The following IL15RA variants were observed in gnomAD, a reference collection of about 807,000 sequenced individuals.
The protein encoded by IL15RA is interleukin-15 receptor subunit alpha.
Under a neutral mutation model 24.2 loss-of-function variants are expected in IL15RA, and 26 were observed. The ratio of observed to expected loss-of-function variants is 1.07; its 90% confidence interval spans 0.79 to 1.49. IL15RA has a LOEUF of 1.49. IL15RA is among the 40% of genes most tolerant of loss of function. The pLI is 0.00. For missense variants in IL15RA, 354 were observed against 356.4 expected (o/e 0.99, Z 0.05); for synonymous variants, 166 against 157.6 (o/e 1.05, Z -0.40).
At position 5,965,625 on chromosome 10, in the gene IL15RA, G is replaced by A. The variant is rs770901950; in HGVS notation, c.283+520C>T. Among the ~76,000 whole-genome samples the A allele has an allele frequency of 6.6e-5, 10 of 152,258 alleles. No individual in the cohort carries two copies. Among genetic ancestry groups the A allele is most frequent in the South Asian group, 6.2e-4 (3 of 4,834 alleles). ...GCCCAAGGCCTCCTGGGTGGTAGGC[G>A]GCAAAGCCAGGATTTAAACCCAGAA... is the stretch of plus-strand genomic sequence containing the variant. On this transcript the variant is annotated intron_variant, in intron 2 of 6. Transcript: ENST00000379977. This position sits in a 1 kb window ranked among gnomAD's most constrained non-coding sequence, Gnocchi z 5.8.
At chr10:5,969,266 TTTAA>T (rs1181459822) in intron 1 of IL15RA, among the ~76,000 whole-genome samples, 11 of 150,172 alleles carry the variant, frequency 7.3e-5, no homozygotes, top group African/African-American at 2.7e-4. Flanking sequence ...AATTTTTAAA[TTTAA>T]TTAAAATTTT....
chr10:5,953,090 G>T lies in IL15RA; in HGVS notation c.*5C>A, dbSNP rs767592486. Reference sequence around the variant, plus strand: ...CGGACTTAGCTGGGCTGGTTTCCCCGAGTTTCATAGGTGGTGAGAGCAGTT... The same window carrying T: ...CGGACTTAGCTGGGCTGGTTTCCCCTAGTTTCATAGGTGGTGAGAGCAGTT... On this transcript the variant is annotated 3_prime_UTR_variant, in exon 7 of 7. Transcript: ENST00000379977. The surrounding 1 kb of genome is among the most constrained non-coding windows in gnomAD (Gnocchi z 5.3). The T allele has an allele frequency of 6.2e-7, 1 of 1,605,546 alleles. No homozygotes were observed. The highest frequency in any genetic ancestry group is 2.2e-5 in the East Asian group (1 of 44,830).
At position 5,966,897 on chromosome 10, in the gene IL15RA, G is replaced by A. The variant is rs932478104; in HGVS notation, c.89-558C>T. ...TGAGGCAGGAGAATTGCTTGAACCTGGGAGGCAGAGGTTGCAGTGAGCCAC... is the reference window on the plus strand; with the variant it reads ...TGAGGCAGGAGAATTGCTTGAACCTAGGAGGCAGAGGTTGCAGTGAGCCAC... On this transcript the variant is annotated intron_variant, in intron 1 of 6. Coordinates refer to ENST00000379977, the MANE Select transcript of IL15RA (RefSeq NM_002189.4). The surrounding 1 kb of genome is among the most constrained non-coding windows in gnomAD (Gnocchi z 6.4). Among the ~76,000 whole-genome samples the A allele has an allele frequency of 6.6e-6, 1 of 152,028 alleles. No homozygotes were observed. Among genetic ancestry groups the A allele is most frequent in the South Asian group, 2.1e-4 (1 of 4,808 alleles).
At position 5,973,573 on chromosome 10, in the gene IL15RA, T is replaced by C. The variant is rs1212385221; in HGVS notation, c.88+3832A>G. On this transcript the variant is annotated intron_variant, in intron 1 of 6. Transcript: ENST00000379977. The surrounding 1 kb of genome is among the most constrained non-coding windows in gnomAD (Gnocchi z 4.5). ...AGGTCAGTGAAGATAATCTTTTCAA[T>C]AAAGGGTGCTGGAATAATTGGATAT... is the stretch of plus-strand genomic sequence containing the variant. Among the ~76,000 whole-genome samples the C allele has an allele frequency of 6.6e-6, 1 of 152,198 alleles. No individual in the cohort carries two copies. Among genetic ancestry groups the C allele is most frequent in the Non-Finnish European group, 1.5e-5 (1 of 68,024 alleles).
chr10:5,951,770 A>AGCT (rs1294941768), downstream of IL15RA, among the ~76,000 whole-genome samples: 1 of 152,160 alleles, frequency 6.6e-6, no homozygotes, highest in Non-Finnish European at 1.5e-5. Context: ...GGCTGCAGTG[A>AGCT]GCTGAGATCT....
chr10:5,956,696 C>T (rs2296141), intron 5 of IL15RA, among the ~76,000 whole-genome samples: 14,094 of 152,272 alleles, frequency 0.093, 730 homozygotes, highest in Admixed American at 0.13. Context: ...CATCCTTGTC[C>T]TTCTCAGGCA....
chr10:5,968,073 C>T lies in IL15RA; in HGVS notation c.89-1734G>A, dbSNP rs1836899240. Among the ~76,000 whole-genome samples, 1 of 151,882 alleles carries T rather than the reference C, an allele frequency of 6.6e-6. No homozygotes were observed. The highest frequency in any genetic ancestry group is 1.5e-5 in the Non-Finnish European group (1 of 67,946). ...GAATCTGTCTCAAACAAACAGAAAA[C>T]CCCCCAAAAACCAACAAACCAACCA... is the stretch of plus-strand genomic sequence containing the variant. On this transcript the variant is annotated intron_variant, in intron 1 of 6. Transcript: ENST00000379977. This position sits in a 1 kb window ranked among gnomAD's most constrained non-coding sequence, Gnocchi z 5.4.
At position 5,971,945 on chromosome 10, in the gene IL15RA, T is replaced by C. The variant is rs1426273592; in HGVS notation, c.88+5460A>G. ...TTGGAGTCTTGCAAGAGTTGAGGGCTACAGGTTGAAGAGCAAATGAAAGGA... is the reference window on the plus strand; with the variant it reads ...TTGGAGTCTTGCAAGAGTTGAGGGCCACAGGTTGAAGAGCAAATGAAAGGA... On this transcript the variant is annotated intron_variant, in intron 1 of 6. Transcript: ENST00000379977. The surrounding 1 kb of genome is among the most constrained non-coding windows in gnomAD (Gnocchi z 5.5). 6.6e-6 allele frequency among the ~76,000 whole-genome samples: 1 copy of C among 152,204 alleles called. No individual in the cohort carries two copies. Among genetic ancestry groups the C allele is most frequent in the Non-Finnish European group, 1.5e-5 (1 of 68,032 alleles).
At position 5,970,858 on chromosome 10, in the gene IL15RA, T is replaced by G. The variant is rs1489136475; in HGVS notation, c.89-4519A>C. 6.6e-6 allele frequency among the ~76,000 whole-genome samples: 1 copy of G among 151,994 alleles called. No individual in the cohort carries two copies. The highest frequency in any genetic ancestry group is 1.5e-5 in the Non-Finnish European group (1 of 68,016). Reference sequence around the variant, plus strand: ...CCGCTGCAGCCTCAAACTCCTGGCCTTAAGCAATCCTCCTGCCTCAGCCTC... The same window carrying G: ...CCGCTGCAGCCTCAAACTCCTGGCCGTAAGCAATCCTCCTGCCTCAGCCTC... On this transcript the variant is annotated intron_variant, in intron 1 of 6. Coordinates refer to ENST00000379977, the MANE Select transcript of IL15RA (RefSeq NM_002189.4). This position sits in a 1 kb window ranked among gnomAD's most constrained non-coding sequence, Gnocchi z 4.1.
Position 5,958,379 on chromosome 10 carries a change from G to T in IL15RA, c.616+1375C>A. 2.3e-6 allele frequency: 1 copy of T among 440,794 alleles called. No homozygotes were observed. The highest frequency in any genetic ancestry group is 4.6e-6 in the Non-Finnish European group (1 of 218,488). The allele number at this position is 440,794 out of a possible 1,614,324, so 27.3% of individuals were successfully genotyped here. ...GCAAGGGGATTTTTGAGTTAGAAAT[G>T]GGATTTGCTTTTCGTCTTTTTTTTG... On this transcript the variant is annotated intron_variant, in intron 5 of 6. Coordinates refer to ENST00000379977, the MANE Select transcript of IL15RA (RefSeq NM_002189.4). This position sits in a 1 kb window ranked among gnomAD's most constrained non-coding sequence, Gnocchi z 4.3.
At chr10:5,974,839 T>C in intron 1 of IL15RA, among the ~76,000 whole-genome samples, 1 of 152,074 alleles carries the variant, frequency 6.6e-6, no homozygotes. Flanking sequence ...ATGGAGCCAC[T>C]GCACTTCAGT....
rs1039852840 is a variant in IL15RA at position 5,965,262 on chromosome 10, C to T, written c.283+883G>A. On this transcript the variant is annotated intron_variant, in intron 2 of 6. Coordinates refer to ENST00000379977, the MANE Select transcript of IL15RA (RefSeq NM_002189.4). This position sits in a 1 kb window ranked among gnomAD's most constrained non-coding sequence, Gnocchi z 5.8. Reference sequence around the variant, plus strand: ...AGTTGATTCTTGCCACCTTCCCTCACCCCTGCTGGACACCATGCACAGGTG... The same window carrying T: ...AGTTGATTCTTGCCACCTTCCCTCATCCCTGCTGGACACCATGCACAGGTG... Among the ~76,000 whole-genome samples the T allele has an allele frequency of 6.6e-6, 1 of 152,142 alleles. No individual in the cohort carries two copies. Among genetic ancestry groups the T allele is most frequent in the Non-Finnish European group, 1.5e-5 (1 of 68,024 alleles).
At chr10:5,978,734 A>G (rs1174725519), upstream of IL15RA, among the ~76,000 whole-genome samples, 1 of 152,086 alleles carries the variant, frequency 6.6e-6, no homozygotes, top group Non-Finnish European at 1.5e-5. The surrounding 1 kb of genome is among the most constrained non-coding windows in gnomAD (Gnocchi z 5.2). Flanking sequence ...CATCTCTACT[A>G]AAAATACCAA....
Position 5,966,603 on chromosome 10 carries a change from T to C in IL15RA, c.89-264A>G, listed in dbSNP as rs1048068026. On this transcript the variant is annotated intron_variant, in intron 1 of 6. Transcript: ENST00000379977. The surrounding 1 kb of genome is among the most constrained non-coding windows in gnomAD (Gnocchi z 6.4). ...GTCATCGATGAAACACCCTCTCCCT[T>C]CATTTCCCACCCCTCTCCAAGCCCT... Among the ~76,000 whole-genome samples, 1 of 151,956 alleles carries C rather than the reference T, an allele frequency of 6.6e-6. No homozygotes were observed.
At chr10:5,951,494 C>T (rs1833876407), downstream of IL15RA, among the ~76,000 whole-genome samples, 1 of 152,202 alleles carries the variant, frequency 6.6e-6, no homozygotes, top group South Asian at 2.1e-4. Flanking sequence ...GACTGCTCCC[C>T]TCCCGCCCCA....
In IL15RA at chr10:5,966,160, TG is replaced by T; in HGVS notation, c.267del (p.Ser90ValfsTer21). The part of the protein sequence containing the change: ...KATNVAHWTT[P>X]SLKCIRDPAL... ...GGCTACTCACTAATGCATTTGAGAC[TG>T]GGGGTTGTCCAGTGGGCGACATTCG... On this transcript the variant is annotated frameshift_variant, in exon 2 of 7. Coordinates refer to ENST00000379977, the MANE Select transcript of IL15RA (RefSeq NM_002189.4). LOFTEE classifies it high-confidence loss of function. This position sits in a 1 kb window ranked among gnomAD's most constrained non-coding sequence, Gnocchi z 6.4. 1 of 1,608,696 alleles carries T rather than the reference TG, an allele frequency of 6.2e-7. No homozygotes were observed. The highest frequency in any genetic ancestry group is 8.5e-7 in the Non-Finnish European group (1 of 1,175,396).
Position 5,960,552 on chromosome 10 carries a change from G to A in IL15RA, c.398C>T (p.Ser133Phe). The change falls in exon 4 of 7, where the codon TCT becomes TTT. Residue 133 changes from serine to phenylalanine, a missense_variant. Transcript: ENST00000379977. This position sits in a 1 kb window ranked among gnomAD's most constrained non-coding sequence, Gnocchi z 5.1. ...SPSGKEPAAS[S>F]PSSNNTAATT... The stretch of plus-strand genomic sequence containing the variant: ...GGCCGCTGTGTTGTTTGAGCTGGGA[G>A]ATGAAGCTGCGGGCTCTGTAGGAGA... 1.2e-6 allele frequency: 2 copies of A among 1,614,102 alleles called. No individual in the cohort carries two copies. Among genetic ancestry groups the A allele is most frequent in the Non-Finnish European group, 1.7e-6 (2 of 1,180,016 alleles).
At chr10:5,972,488 C>T (rs1342042308) in intron 1 of IL15RA, among the ~76,000 whole-genome samples, 1 of 152,112 alleles carries the variant, frequency 6.6e-6, no homozygotes, top group Non-Finnish European at 1.5e-5. Flanking sequence ...CATTGCCAGA[C>T]AAGATCAGCT....
At position 5,962,384 on chromosome 10, in the gene IL15RA, G is replaced by A. The variant is rs1835730335; in HGVS notation, c.382+1359C>T. On this transcript the variant is annotated intron_variant, in intron 3 of 6. Transcript: ENST00000379977. The surrounding 1 kb of genome is among the most constrained non-coding windows in gnomAD (Gnocchi z 5.2). ...AGGCTTGCGGATCACCTGAGGTCAG[G>A]AGTTTGAGACCAGACTGACCAACAT... Among the ~76,000 whole-genome samples, 1 of 152,098 alleles carries A rather than the reference G, an allele frequency of 6.6e-6. No individual in the cohort carries two copies.
Sources: gnomAD v4.1 joint callset for allele counts (sites outside exome capture counted in the v4.1 genomes callset) on GRCh38, gnomAD v4.1.1 for gene constraint, Gnocchi (gnomAD v3.1) non-coding constraint, MANE v1.5 for transcripts, NCBI Gene and HGNC (gene_info 2026-07-23, HGNC 2026-07-21) for gene names.